Variants in SCFD2 observed in about 807,000 individuals in gnomAD.
SCFD2 encodes the protein sec1 family domain containing 2, also known as sec1 family domain-containing protein 2.
In SCFD2, 54 loss-of-function variants were observed where a neutral mutation model predicts 58.9. The observed-to-expected ratio is 0.92, with a 90% CI of 0.74 to 1.15. SCFD2 has a LOEUF of 1.15. SCFD2 is among the 50% of genes most tolerant of loss of function. The probability of loss-of-function intolerance (pLI) is 0.00; values close to 1 mark genes in which losing one functional copy is unlikely to be tolerated. For missense variants in SCFD2, 805 were observed against 836.6 expected (o/e 0.96, Z 0.47); for synonymous variants, 321 against 335.9 (o/e 0.96, Z 0.49).
chr4:52,889,289 T>C (rs1172218185), intron 7 of SCFD2, among the ~76,000 whole-genome samples: 1 of 152,258 alleles, frequency 6.6e-6, no homozygotes, highest in Non-Finnish European at 1.5e-5. Context: ...TATTTTTGTG[T>C]ATTATCTTAT....
At chr4:53,094,567 A>G (rs1724563880) in intron 5 of SCFD2, among the ~76,000 whole-genome samples, 1 of 152,062 alleles carries the variant, frequency 6.6e-6, no homozygotes, top group Non-Finnish European at 1.5e-5. Flanking sequence ...ACTGAGGGTG[A>G]GGACTTTAAC....
chr4:53,140,240 A>G (rs1726088574), intron 5 of SCFD2, among the ~76,000 whole-genome samples: 1 of 151,492 alleles, frequency 6.6e-6, no homozygotes, highest in Non-Finnish European at 1.5e-5. Flanking sequence ...CAAAAAGAAA[A>G]AGGGATATCA....
intron 3 of SCFD2, among the ~76,000 whole-genome samples, chr4:53,294,096 A>G (rs1311460002): frequency 2.0e-5 from 3 of 152,184 alleles, no homozygotes; most frequent in Admixed American, 2.0e-4. Flanking sequence ...CACTGCCACA[A>G]TAAACATATG....
At chr4:53,205,298 T>G (rs551382655) in intron 4 of SCFD2, among the ~76,000 whole-genome samples, 9 of 152,112 alleles carry the variant, frequency 5.9e-5, no homozygotes, top group Admixed American at 5.9e-4. Context: ...CTGTACCACC[T>G]TTTTTTACCT....
At chr4:53,197,570 C>A (rs543266273) in intron 4 of SCFD2, among the ~76,000 whole-genome samples, 39 of 151,928 alleles carry the variant, frequency 2.6e-4, no homozygotes, top group Middle Eastern at 3.4e-3. Flanking sequence ...ATGTCTTAAA[C>A]AATAGAAAAA....
intron 5 of SCFD2, among the ~76,000 whole-genome samples, chr4:53,064,618 CAT>C: frequency 6.6e-6 from 1 of 152,224 alleles, no homozygotes; most frequent in East Asian, 1.9e-4. Context: ...AACAGTAAGA[CAT>C]AGTGGTTGAG....
chr4:52,923,506 AAATAAATAAATG>A lies in SCFD2; in HGVS notation c.1562-2648_1562-2637del, dbSNP rs1447032858. On this transcript the variant is annotated intron_variant, in intron 5 of 8. Coordinates refer to ENST00000401642, the MANE Select transcript of SCFD2 (RefSeq NM_152540.4). ...TAAATAAATAAATAAATAAATAAAT[AAATAAATAAATG>A]TGTGGTCAAGCTCAGTGAGAAAATG... Among the ~76,000 whole-genome samples, 218 of 151,210 alleles carry A rather than the reference AAATAAATAAATG, an allele frequency of 1.4e-3. 1 individual carries two copies. Among genetic ancestry groups the A allele is most frequent in the African/African-American group, 5.2e-3 (216 of 41,200 alleles).
intron 3 of SCFD2, among the ~76,000 whole-genome samples, chr4:53,296,833 T>C (rs1577941972): frequency 6.6e-6 from 1 of 152,226 alleles, no homozygotes; most frequent in Admixed American, 6.5e-5. Context: ...TTCTGGTACA[T>C]TGTGTCTTTG....
rs199524361 is a variant in SCFD2, at chr4:53,362,197, AT to A, written c.838+2906del. 2.4e-4 allele frequency among the ~76,000 whole-genome samples: 36 copies of A among 152,234 alleles called. No homozygotes were observed. In the East Asian group the frequency reaches 6.4e-3, roughly 27 times the overall value. On this transcript the variant is annotated intron_variant, in intron 1 of 8. Coordinates refer to ENST00000401642, the MANE Select transcript of SCFD2 (RefSeq NM_152540.4). ...GGAATGATGTGAGGGAGAAAGCCAT[AT>A]GGATACCTCGAAGAAGAACATCCCA...
intron 5 of SCFD2, among the ~76,000 whole-genome samples, chr4:53,102,028 G>A (rs554773276): frequency 1.3e-5 from 2 of 152,286 alleles, no homozygotes; most frequent in African/African-American, 4.8e-5. Context: ...ATCTGTATAA[G>A]TAAAACGGTG....
intron 4 of SCFD2, among the ~76,000 whole-genome samples, chr4:53,178,876 G>A (rs1203254094): frequency 1.3e-5 from 2 of 152,154 alleles, no homozygotes; most frequent in African/African-American, 2.4e-5. Flanking sequence ...TAGCCGATGC[G>A]ATCAACTGGA....
intron 5 of SCFD2, among the ~76,000 whole-genome samples, chr4:53,094,258 A>G (rs1272836185): frequency 1.3e-5 from 2 of 152,146 alleles, no homozygotes; most frequent in East Asian, 1.9e-4. Context: ...TACGGATGCC[A>G]TAACAAATAT....
At chr4:53,165,420 T>C (rs1193336591) in intron 4 of SCFD2, among the ~76,000 whole-genome samples, 2 of 152,238 alleles carry the variant, frequency 1.3e-5, no homozygotes, top group East Asian at 1.9e-4. Flanking sequence ...AATCTCCTTA[T>C]TGTTTTATAG....
intron 4 of SCFD2, among the ~76,000 whole-genome samples, chr4:53,247,614 C>A (rs1285694412): frequency 6.6e-6 from 1 of 151,128 alleles, no homozygotes; most frequent in Non-Finnish European, 1.5e-5. Flanking sequence ...AATCCCAGCA[C>A]TTTGGGAGGC....
At chr4:53,131,480 T>C (rs904165025) in intron 5 of SCFD2, among the ~76,000 whole-genome samples, 4 of 152,124 alleles carry the variant, frequency 2.6e-5, no homozygotes, top group African/African-American at 9.7e-5. Context: ...CCTGAGATAA[T>C]GGTGTGACCC....
intron 5 of SCFD2, among the ~76,000 whole-genome samples, chr4:53,018,814 T>C (rs1164043225): frequency 2.6e-5 from 4 of 152,160 alleles, no homozygotes; most frequent in East Asian, 1.9e-4. Flanking sequence ...GATGCATCAA[T>C]GATGGTGTGT....
At chr4:52,978,753 C>A (rs1721307663) in intron 5 of SCFD2, among the ~76,000 whole-genome samples, 1 of 151,970 alleles carries the variant, frequency 6.6e-6, no homozygotes, top group African/African-American at 2.4e-5. Context: ...GTATGCTTTA[C>A]AGAGCAAGCC....
At chr4:52,929,006 G>A (rs1295422597) in intron 5 of SCFD2, among the ~76,000 whole-genome samples, 1 of 152,222 alleles carries the variant, frequency 6.6e-6, no homozygotes, top group Non-Finnish European at 1.5e-5. Flanking sequence ...ATGGTTTTGA[G>A]CAATTGCAGC....
chr4:53,047,851 CT>C (rs1261836369), intron 5 of SCFD2, among the ~76,000 whole-genome samples: 4 of 152,246 alleles, frequency 2.6e-5, no homozygotes, highest in Non-Finnish European at 5.9e-5. Context: ...ACCTTCTGGA[CT>C]TGAACTGATA....
Sources: gnomAD v4.1 joint callset for allele counts (sites outside exome capture counted in the v4.1 genomes callset) on GRCh38, gnomAD v4.1.1 for gene constraint, MANE v1.5 for transcripts, NCBI Gene and HGNC (gene_info 2026-07-23, HGNC 2026-07-21) for gene names.